LIN28B: variants seen among roughly 807,000 people sequenced by gnomAD.
LIN28B encodes protein lin-28 homolog B.
A neutral mutation model predicts 21.9 loss-of-function variants in LIN28B; 5 were observed. The observed-to-expected ratio is 0.23, with a 90% CI of 0.12 to 0.48. The LOEUF is 0.48. Ranked by LOEUF, LIN28B falls within the 20% of genes least tolerant of loss-of-function variation. The probability of loss-of-function intolerance (pLI) is 0.98; values close to 1 mark genes in which losing one functional copy is unlikely to be tolerated. For missense variants in LIN28B, 245 were observed against 310.5 expected (o/e 0.79, Z 1.58); for synonymous variants, 109 against 111.3 (o/e 0.98, Z 0.13).
intron 2 of LIN28B, among the ~76,000 whole-genome samples, chr6:104,938,086 GA>G (rs1227207415): frequency 7.6e-6 from 1 of 131,482 alleles, no homozygotes; most frequent in Admixed American, 7.5e-5. Flanking sequence ...AAATTAGGCA[GA>G]AAAAAACCAA....
chr6:104,944,867 C>T (rs1240584294), intron 2 of LIN28B, among the ~76,000 whole-genome samples: 6 of 152,034 alleles, frequency 3.9e-5, no homozygotes, highest in Non-Finnish European at 8.8e-5. Flanking sequence ...CATTTTCAAG[C>T]AACCAGTTTC....
In LIN28B at chr6:105,079,113, A is replaced by G. The variant is rs1015427540; in HGVS notation, c.*330A>G. On this transcript the variant is annotated 3_prime_UTR_variant, in exon 4 of 4. Transcript: ENST00000345080. Reference sequence around the variant, plus strand: ...AGGCTTTGTCTTTATATATTTGTGTATAGATCAAAGCACACACCCTCTCTC... The same window carrying G: ...AGGCTTTGTCTTTATATATTTGTGTGTAGATCAAAGCACACACCCTCTCTC... 3.1e-5 allele frequency: 6 copies of G among 196,460 alleles called. No homozygotes were observed. The highest frequency in any genetic ancestry group is 1.4e-4 in the African/African-American group (6 of 43,014). The allele number at this position is 196,460 out of a possible 1,614,324, so 12.2% of individuals were successfully genotyped here.
intron 2 of LIN28B, among the ~76,000 whole-genome samples, chr6:104,959,704 A>G (rs1158297500): frequency 6.6e-6 from 1 of 152,206 alleles, no homozygotes; most frequent in African/African-American, 2.4e-5. Flanking sequence ...TGCAAAATGA[A>G]GCTACATTTT....
At chr6:104,970,045 C>G (rs1451525302) in intron 2 of LIN28B, among the ~76,000 whole-genome samples, 1 of 152,122 alleles carries the variant, frequency 6.6e-6, no homozygotes, top group Non-Finnish European at 1.5e-5. Flanking sequence ...ATCTGTGTGC[C>G]AGTGGGGGAT....
At chr6:104,948,070 C>G (rs1028002736) in intron 2 of LIN28B, among the ~76,000 whole-genome samples, 1 of 152,054 alleles carries the variant, frequency 6.6e-6, no homozygotes, top group African/African-American at 2.4e-5. Flanking sequence ...GGAGATTATT[C>G]TCGTGTAGGG....
At chr6:104,950,828 A>T (rs140350707) in intron 3 of LIN28B, among the ~76,000 whole-genome samples, 2 of 152,034 alleles carry the variant, frequency 1.3e-5, no homozygotes, top group South Asian at 4.1e-4. Flanking sequence ...GCTTATGGAG[A>T]TGAATGAAAA....
chr6:105,078,680 G>C lies in LIN28B; in HGVS notation c.650G>C (p.Arg217Pro), dbSNP rs76912525. The C allele has an allele frequency of 6.2e-7, 1 of 1,614,092 alleles. No individual in the cohort carries two copies. Among genetic ancestry groups the C allele is most frequent in the Admixed American group, 1.7e-5 (1 of 60,016 alleles). The change falls in exon 4 of 4, where the codon CGG becomes CCG. Residue 217 changes from arginine to proline, a missense_variant. By Grantham distance (103) the Arg-to-Pro change is moderately radical (BLOSUM62 -2). Coordinates refer to ENST00000345080, the MANE Select transcript of LIN28B (RefSeq NM_001004317.4). ...PQEARAEISE[R>P]SGRSPQEASS... ...GAGGCTAGGGCAGAGATCTCAGAAC[G>C]GTCAGGCAGGTCACCTCAAGAAGCT... is the stretch of plus-strand genomic sequence containing the variant.
chr6:105,079,455 A>G lies in LIN28B; in HGVS notation c.*672A>G, dbSNP rs1772497511. On this transcript the variant is annotated 3_prime_UTR_variant, in exon 4 of 4. Coordinates refer to ENST00000345080, the MANE Select transcript of LIN28B (RefSeq NM_001004317.4). The stretch of plus-strand genomic sequence containing the variant: ...AACTTCATATGCCTCTGACTGCCAT[A>G]AGCTTTTTTGATTCTGGGATAACAT... 1 of 152,570 alleles carries G rather than the reference A, an allele frequency of 6.6e-6. No individual in the cohort carries two copies. Among genetic ancestry groups the G allele is most frequent in the South Asian group, 2.1e-4 (1 of 4,824 alleles). The allele number at this position is 152,570 out of a possible 1,614,324, so 9.5% of individuals were successfully genotyped here.
At chr6:104,962,881 A>C (rs929257157) in intron 2 of LIN28B, among the ~76,000 whole-genome samples, 2 of 152,160 alleles carry the variant, frequency 1.3e-5, no homozygotes, top group African/African-American at 2.4e-5. Flanking sequence ...TGAAAATGTG[A>C]ACATAAGCAG....
chr6:105,049,306 G>A (rs1771841161), intron 3 of LIN28B, among the ~76,000 whole-genome samples: 2 of 152,216 alleles, frequency 1.3e-5, no homozygotes, highest in Non-Finnish European at 2.9e-5. Context: ...ATGTAGTTGA[G>A]CGGTTTTGAA....
chr6:104,972,119 C>T (rs572248456), intron 2 of LIN28B, among the ~76,000 whole-genome samples: 10 of 152,106 alleles, frequency 6.6e-5, no homozygotes, highest in South Asian at 4.2e-4. Context: ...TACAGGTGCA[C>T]GCCACCACAC....
chr6:105,040,011 A>G (rs1771600868), intron 3 of LIN28B, among the ~76,000 whole-genome samples: 1 of 152,082 alleles, frequency 6.6e-6, no homozygotes, highest in Non-Finnish European at 1.5e-5. Flanking sequence ...GATGTTTGCT[A>G]TTGTTTTTCA....
chr6:104,952,101 T>C (rs146620633), intron 3 of LIN28B, among the ~76,000 whole-genome samples: 36 of 152,348 alleles, frequency 2.4e-4, no homozygotes, highest in African/African-American at 7.9e-4. Flanking sequence ...ACAGTCCACA[T>C]TCTTATTTCA....
intron 3 of LIN28B, among the ~76,000 whole-genome samples, chr6:105,043,365 AAAAAAAAG>A (rs1228464278): frequency 4.1e-5 from 6 of 147,784 alleles, no homozygotes; most frequent in African/African-American, 1.5e-4. Context: ...AAAAAAAAAA[AAAAAAAAG>A]AAAACTAAAA....
chr6:105,054,046 CTGTT>C (rs3995553), intron 3 of LIN28B, among the ~76,000 whole-genome samples: 117,613 of 151,468 alleles, frequency 0.78, 46,516 homozygotes, highest in Non-Finnish European at 0.86. Context: ...ACCCAGCCTA[CTGTT>C]TGTTTGTTTC....
At chr6:104,963,425 C>T (rs187190937) in intron 2 of LIN28B, among the ~76,000 whole-genome samples, 206 of 152,250 alleles carry the variant, frequency 1.4e-3, no homozygotes, top group African/African-American at 4.7e-3. Context: ...AGTGGTGGTG[C>T]ATTTCTCAGA....
chr6:104,945,791 C>G (rs546323225), intron 2 of LIN28B, among the ~76,000 whole-genome samples: 2 of 152,192 alleles, frequency 1.3e-5, no homozygotes, highest in East Asian at 3.9e-4. Context: ...TACATTTAAG[C>G]TAAAGAATTG....
At chr6:105,025,040 T>C (rs1202713770) in intron 2 of LIN28B, among the ~76,000 whole-genome samples, 4 of 152,046 alleles carry the variant, frequency 2.6e-5, no homozygotes. Flanking sequence ...TACAGTGTTT[T>C]ACAAACTTAC....
intron 3 of LIN28B, among the ~76,000 whole-genome samples, chr6:105,056,019 C>T (rs907273585): frequency 9.9e-5 from 15 of 151,270 alleles, no homozygotes; most frequent in Non-Finnish European, 1.6e-4. Context: ...CCTTGGCCTC[C>T]CAAGGTGCTG....
Sources: allele counts gnomAD v4.1 joint callset (sites outside exome capture counted in the v4.1 genomes callset), GRCh38; gene constraint gnomAD v4.1.1; transcripts MANE v1.5; gene names NCBI Gene and HGNC (gene_info 2026-07-23, HGNC 2026-07-21).